The following SULF1 variants were observed in gnomAD, a reference collection of about 807,000 sequenced individuals.
SULF1 encodes the protein sulfatase 1.
SULF1 carries 46 observed loss-of-function variants against 110.5 expected under a neutral mutation model. That is an observed-to-expected ratio of 0.42 (90% CI 0.33 to 0.53). SULF1 has a LOEUF of 0.53. SULF1 is among the 20% of genes least tolerant of loss of function. The pLI is 0.12. For synonymous variants in SULF1, 371 were observed against 387.1 expected (o/e 0.96, Z 0.49); for missense variants, 941 against 1,094.2 (o/e 0.86, Z 1.98).
intron 1 of SULF1, among the ~76,000 whole-genome samples, chr8:69,474,555 C>T (rs1353189911): frequency 6.6e-6 from 1 of 152,128 alleles, no homozygotes. Context: ...AAATCATGTT[C>T]TCTTTTTTTC....
At chr8:69,585,594 AG>A (rs904229989) in intron 6 of SULF1, among the ~76,000 whole-genome samples, 12 of 152,150 alleles carry the variant, frequency 7.9e-5, no homozygotes, top group Non-Finnish European at 1.3e-4. Flanking sequence ...GACATGCCAA[AG>A]TTATAAATGT....
At chr8:69,524,150 G>C (rs1812510617) in intron 3 of SULF1, among the ~76,000 whole-genome samples, 1 of 108,626 alleles carries the variant, frequency 9.2e-6, no homozygotes, top group African/African-American at 4.0e-5. Flanking sequence ...AGAGCATGGA[G>C]GGAGGGAGAA....
rs143987919 is a variant in SULF1, at chr8:69,522,901, G to T, written c.-134+20933G>T. On this transcript the variant is annotated intron_variant, in intron 3 of 22. Coordinates refer to ENST00000402687, the MANE Select transcript of SULF1 (RefSeq NM_001128205.2). The stretch of plus-strand genomic sequence containing the variant: ...GAGAAAGCCTGATTATTTAGGCAAA[G>T]ATAAAATGGAAGAAGAAAAAAACAA... Among the ~76,000 whole-genome samples, 611 of 152,246 alleles carry T rather than the reference G, an allele frequency of 4.0e-3. 1 individual carries two copies. The highest frequency in any genetic ancestry group is 0.01 in the Middle Eastern group (3 of 294).
At chr8:69,493,775 T>C (rs1485391042) in intron 1 of SULF1, among the ~76,000 whole-genome samples, 2 of 152,216 alleles carry the variant, frequency 1.3e-5, no homozygotes, top group African/African-American at 2.4e-5. Flanking sequence ...TAAAGAAACA[T>C]GGACACTAAC....
chr8:69,555,169 T>C (rs888120374), intron 3 of SULF1, among the ~76,000 whole-genome samples: 12 of 152,168 alleles, frequency 7.9e-5, no homozygotes, highest in Non-Finnish European at 1.5e-4. Flanking sequence ...TGCCTTGAGC[T>C]AGGAACTAGA....
chr8:69,624,629 C>CA (rs1248225820), intron 15 of SULF1, among the ~76,000 whole-genome samples: 1 of 152,170 alleles, frequency 6.6e-6, no homozygotes, highest in Non-Finnish European at 1.5e-5. Context: ...GTTGTGTAGT[C>CA]ACAGACTCAG....
chr8:69,545,396 T>C (rs1814186299), intron 3 of SULF1, among the ~76,000 whole-genome samples: 1 of 152,192 alleles, frequency 6.6e-6, no homozygotes, highest in South Asian at 2.1e-4. Context: ...ATTGGGTATT[T>C]GACTACACAT....
At chr8:69,547,438 A>G (rs1217738491) in intron 3 of SULF1, among the ~76,000 whole-genome samples, 1 of 152,226 alleles carries the variant, frequency 6.6e-6, no homozygotes, top group African/African-American at 2.4e-5. Context: ...CTTTCAGAAG[A>G]TAACTAAATA....
Position 69,515,719 on chromosome 8 carries a change from G to A in SULF1, c.-134+13751G>A, listed in dbSNP as rs140680989. On this transcript the variant is annotated intron_variant, in intron 3 of 22. Coordinates refer to ENST00000402687, the MANE Select transcript of SULF1 (RefSeq NM_001128205.2). ...AGTTTTGGGTTATTTCTTCGTTTAT[G>A]CAAATGAATATATGCTTTTAGAAGC... 6.3e-4 allele frequency among the ~76,000 whole-genome samples: 96 copies of A among 152,254 alleles called. 1 individual carries two copies. Among genetic ancestry groups the A allele is most frequent in the Middle Eastern group, 3.4e-3 (1 of 294 alleles).
intron 3 of SULF1, among the ~76,000 whole-genome samples, chr8:69,512,397 A>G (rs924647363): frequency 2.6e-5 from 4 of 152,224 alleles, no homozygotes; most frequent in African/African-American, 9.6e-5. Context: ...TTATATGTAC[A>G]GAATCCAGTT....
chr8:69,603,540 A>G, intron 11 of SULF1, 60 bp from the exon 12 acceptor site: 1 of 1,416,268 alleles, frequency 7.1e-7, no homozygotes, highest in South Asian at 1.1e-5. Context: ...AGCTGTTAGC[A>G]CAGATCCATT....
chr8:69,596,111 C>G (rs1486190330), intron 8 of SULF1, among the ~76,000 whole-genome samples: 2 of 152,128 alleles, frequency 1.3e-5, no homozygotes, highest in African/African-American at 4.8e-5. Context: ...TCCAAATGAG[C>G]AGTGACCACA....
intron 19 of SULF1, among the ~76,000 whole-genome samples, chr8:69,636,444 G>A (rs1811020931): frequency 6.6e-6 from 1 of 152,048 alleles, no homozygotes; most frequent in South Asian, 2.1e-4. Context: ...GGCTGAGGAA[G>A]GAGAACGGTG....
At chr8:69,639,709 C>T (rs1811317379) in intron 21 of SULF1, among the ~76,000 whole-genome samples, 1 of 152,112 alleles carries the variant, frequency 6.6e-6, no homozygotes, top group South Asian at 2.1e-4. Context: ...TTTGTGGTGC[C>T]GCTGGGTTTT....
In SULF1 at chr8:69,492,934, A is replaced by T. The variant is rs1449682268; in HGVS notation, c.-582A>T. The T allele has an allele frequency of 6.5e-6, 1 of 152,692 alleles. No homozygotes were observed. Among genetic ancestry groups the T allele is most frequent in the Non-Finnish European group, 1.5e-5 (1 of 68,122 alleles). The allele number at this position is 152,692 out of a possible 1,614,324, so 9.5% of individuals were successfully genotyped here. ...GGAAACCCCAGGCGCAGAGGCCAGG[A>T]GCGAGGGCAGCGAGGATCAGAGGCC... is the stretch of plus-strand genomic sequence containing the variant. On this transcript the variant is annotated 5_prime_UTR_variant, in exon 1 of 23. Transcript: ENST00000402687.
At chr8:69,580,070 A>G (rs927868417) in intron 6 of SULF1, among the ~76,000 whole-genome samples, 1 of 152,208 alleles carries the variant, frequency 6.6e-6, no homozygotes, top group Non-Finnish European at 1.5e-5. Flanking sequence ...TTAATCCAAT[A>G]TTATATTTAC....
At chr8:69,529,083 T>G (rs999407288) in intron 3 of SULF1, among the ~76,000 whole-genome samples, 6 of 152,156 alleles carry the variant, frequency 3.9e-5, no homozygotes, top group Non-Finnish European at 8.8e-5. Flanking sequence ...GTTGATACTC[T>G]TACTCCAGCT....
rs182838112 is a variant in SULF1, at chr8:69,554,229, C to T, written c.-133-9310C>T. On this transcript the variant is annotated intron_variant, in intron 3 of 22. Coordinates refer to ENST00000402687, the MANE Select transcript of SULF1 (RefSeq NM_001128205.2). ...AAAATAAATTCTGGAAGTGGAACAC[C>T]CCTGGGTGTTTGTACGGAAGAATTC... is the stretch of plus-strand genomic sequence containing the variant. Among the ~76,000 whole-genome samples the T allele has an allele frequency of 4.0e-3, 605 of 152,132 alleles. 2 individuals carry two copies. Among genetic ancestry groups the T allele is most frequent in the African/African-American group, 0.014 (582 of 41,510 alleles).
At chr8:69,494,685 A>T (rs1810203363) in intron 1 of SULF1, among the ~76,000 whole-genome samples, 1 of 152,190 alleles carries the variant, frequency 6.6e-6, no homozygotes, top group Admixed American at 6.5e-5. Flanking sequence ...AAGGAACACA[A>T]GCTTTGATGA....
Sources: gnomAD v4.1 joint callset for allele counts (sites outside exome capture counted in the v4.1 genomes callset) on GRCh38, gnomAD v4.1.1 for gene constraint, MANE v1.5 for transcripts, NCBI Gene and HGNC (gene_info 2026-07-23, HGNC 2026-07-21) for gene names.